Variants in PALM2AKAP2 observed in about 807,000 individuals in gnomAD.
PALM2AKAP2 encodes PALM2 and AKAP2 fusion, also known as PALM2-AKAP2 fusion protein.
A neutral mutation model predicts 71.5 loss-of-function variants in PALM2AKAP2; 37 were observed. That is an observed-to-expected ratio of 0.52 (90% CI 0.40 to 0.68). The LOEUF is 0.68. Among genes scored for constraint, PALM2AKAP2 ranks in the 30% least tolerant of loss-of-function variants. PALM2AKAP2 has a pLI of 0.00. For missense variants in PALM2AKAP2, 1,224 were observed against 1,191.8 expected, an observed-to-expected ratio of 1.03 and a Z score of -0.40; for synonymous variants, 468 against 478.8, an observed-to-expected ratio of 0.98 and a Z score of 0.29.
intron 6 of PALM2AKAP2, among the ~76,000 whole-genome samples, chr9:109,999,798 C>T (rs1228816567): frequency 6.6e-6 from 1 of 152,144 alleles, no homozygotes; most frequent in African/African-American, 2.4e-5. Flanking sequence ...CTGTGAGTTC[C>T]CAGCAGAGGG....
intron 1 of PALM2AKAP2, among the ~76,000 whole-genome samples, chr9:109,767,095 G>T (rs965927243): frequency 6.6e-6 from 1 of 152,208 alleles, no homozygotes; most frequent in Non-Finnish European, 1.5e-5. Context: ...GATTGAGAGA[G>T]CTGATGTGAG....
intron 1 of PALM2AKAP2, among the ~76,000 whole-genome samples, chr9:109,809,041 G>GTGT (rs1402866557): frequency 6.6e-6 from 1 of 152,248 alleles, no homozygotes; most frequent in Non-Finnish European, 1.5e-5. Context: ...GCAGGTAGAG[G>GTGT]TGTGCTGCAG....
chr9:109,867,031 A>T (rs1354980613), intron 1 of PALM2AKAP2: 2 of 456,572 alleles, frequency 4.4e-6, no homozygotes, highest in Non-Finnish European at 8.8e-6. Flanking sequence ...TGTGATTTTG[A>T]TCAAATAAAT....
intron 1 of PALM2AKAP2, among the ~76,000 whole-genome samples, chr9:109,691,833 G>GAGAT (rs1435538407): frequency 2.8e-5 from 1 of 36,040 alleles, no homozygotes; most frequent in African/African-American, 1.1e-4. Context: ...CCAGAAAGAC[G>GAGAT]ATATATATAT....
intron 1 of PALM2AKAP2, among the ~76,000 whole-genome samples, chr9:109,767,294 A>G (rs1428402305): frequency 6.6e-6 from 1 of 152,070 alleles, no homozygotes; most frequent in Non-Finnish European, 1.5e-5. Context: ...TCCAAACATT[A>G]GTTCCATCAG....
At chr9:109,979,079 G>A (rs76095243) in intron 6 of PALM2AKAP2, among the ~76,000 whole-genome samples, 91 of 151,296 alleles carry the variant, frequency 6.0e-4, no homozygotes, top group South Asian at 1.3e-3. Flanking sequence ...AACCTCCTCC[G>A]CCTCCCTGTT....
At chr9:109,704,602 G>T (rs1385213140) in intron 1 of PALM2AKAP2, among the ~76,000 whole-genome samples, 1 of 152,084 alleles carries the variant, frequency 6.6e-6, no homozygotes, top group Non-Finnish European at 1.5e-5. Flanking sequence ...GGAGCCAGAG[G>T]GTGGCCCCTG....
chr9:110,041,787 G>A (rs988661426), intron 7 of PALM2AKAP2, among the ~76,000 whole-genome samples: 1 of 152,202 alleles, frequency 6.6e-6, no homozygotes, highest in African/African-American at 2.4e-5. Flanking sequence ...AAGTAAGGGC[G>A]ACTGTGTCCA....
chr9:110,031,410 G>A (rs1001032670), intron 7 of PALM2AKAP2, among the ~76,000 whole-genome samples: 15 of 152,206 alleles, frequency 9.9e-5, no homozygotes, highest in African/African-American at 3.6e-4. Flanking sequence ...GATTACAGGT[G>A]TGAGCCACTG....
intron 1 of PALM2AKAP2, among the ~76,000 whole-genome samples, chr9:109,663,558 G>C (rs530408797): frequency 1.7e-4 from 26 of 152,316 alleles, no homozygotes; most frequent in Middle Eastern, 3.4e-3. Context: ...CAGACAGTTT[G>C]TTGTGATTTC....
intron 1 of PALM2AKAP2, among the ~76,000 whole-genome samples, chr9:109,819,705 A>ATGTGTGTGTGTGTG (rs57864589): frequency 7.1e-6 from 1 of 140,614 alleles, no homozygotes; most frequent in South Asian, 2.3e-4. Flanking sequence ...GTGTGTGTGT[A>ATGTGTGTGTGTGTG]TGTGTGTGTG....
intron 1 of PALM2AKAP2, among the ~76,000 whole-genome samples, chr9:109,696,460 G>A (rs1273346333): frequency 6.6e-6 from 1 of 152,166 alleles, no homozygotes; most frequent in Non-Finnish European, 1.5e-5. Context: ...TTTCAGCAAG[G>A]GTGCGAGGAG....
At chr9:109,935,386 T>C (rs753251253) in intron 6 of PALM2AKAP2, among the ~76,000 whole-genome samples, 4 of 152,216 alleles carry the variant, frequency 2.6e-5, no homozygotes, top group African/African-American at 9.6e-5. Flanking sequence ...TAACCCTAAA[T>C]TGACATCTTT....
At chr9:109,990,391 A>G (rs1832456276) in intron 6 of PALM2AKAP2, among the ~76,000 whole-genome samples, 1 of 152,126 alleles carries the variant, frequency 6.6e-6, no homozygotes, top group South Asian at 2.1e-4. Context: ...GGTTGGCTAG[A>G]TGTCTTCATG....
At chr9:109,677,073 G>T (rs1391554919) in intron 1 of PALM2AKAP2, among the ~76,000 whole-genome samples, 1 of 152,142 alleles carries the variant, frequency 6.6e-6, no homozygotes, top group African/African-American at 2.4e-5. Context: ...AAAATAAGGG[G>T]CAGTAGCTAG....
chr9:110,084,188 G>A (rs1473632533), intron 1 of PALM2AKAP2, among the ~76,000 whole-genome samples: 1 of 152,202 alleles, frequency 6.6e-6, no homozygotes, highest in Non-Finnish European at 1.5e-5. Flanking sequence ...CAAAGGTGGG[G>A]AAATACTGTT....
At chr9:110,050,836 C>T (rs1002117405) in intron 1 of PALM2AKAP2, among the ~76,000 whole-genome samples, 3 of 152,156 alleles carry the variant, frequency 2.0e-5, no homozygotes, top group Admixed American at 2.0e-4. Context: ...CCATGTTGGC[C>T]AGGCTGGTCT....
intron 1 of PALM2AKAP2, among the ~76,000 whole-genome samples, chr9:109,831,820 AG>A (rs2131541013): frequency 6.6e-6 from 1 of 152,202 alleles, no homozygotes; most frequent in Non-Finnish European, 1.5e-5. Flanking sequence ...TTGCTGCATT[AG>A]TCCCTTTTTT....
At chr9:110,018,116 G>A (rs1285817231) in intron 7 of PALM2AKAP2, among the ~76,000 whole-genome samples, 1 of 152,076 alleles carries the variant, frequency 6.6e-6, no homozygotes, top group African/African-American at 2.4e-5. Flanking sequence ...ATGGTACCAG[G>A]ATCTTGACTG....
Sources: gnomAD v4.1 joint callset for allele counts (sites outside exome capture counted in the v4.1 genomes callset) on GRCh38, gnomAD v4.1.1 for gene constraint, MANE v1.5 for transcripts, NCBI Gene and HGNC (gene_info 2026-07-23, HGNC 2026-07-21) for gene names.